Variants in ACSL5 observed in about 807,000 individuals in gnomAD.
ACSL5 encodes the protein acyl-CoA synthetase long chain family member 5.
A neutral mutation model predicts 84.9 loss-of-function variants in ACSL5; 50 were observed. The observed-to-expected ratio is 0.59, with a 90% confidence interval of 0.47 to 0.75. ACSL5 has a LOEUF of 0.75. ACSL5 is among the 30% of genes least tolerant of loss of function. The probability of loss-of-function intolerance (pLI) is 0.00; values close to 1 mark genes in which losing one functional copy is unlikely to be tolerated. For missense variants in ACSL5, 775 were observed against 830.4 expected (o/e 0.93, Z 0.82); for synonymous variants, 280 against 300.7 (o/e 0.93, Z 0.71).
At chr10:112,421,782 AT>A (rs1202926325) in intron 15 of ACSL5, 117 bp downstream of exon 15, 1 of 1,357,792 alleles carries the variant, frequency 7.4e-7, no homozygotes, top group Non-Finnish European at 1.0e-6. Context: ...CAAATGCAAA[AT>A]TCAAGTTTTG....
intron 1 of ACSL5, among the ~76,000 whole-genome samples, chr10:112,378,497 T>A (rs2133556792): frequency 6.6e-6 from 1 of 152,218 alleles, no homozygotes; most frequent in African/African-American, 2.4e-5. Context: ...TCTGCCTGCC[T>A]AGGCCTCCCA....
chr10:112,401,072 C>A (rs544862783), intron 3 of ACSL5, among the ~76,000 whole-genome samples: 6 of 152,108 alleles, frequency 3.9e-5, no homozygotes, highest in Admixed American at 2.0e-4. Flanking sequence ...AAAATGATAG[C>A]CAGGCATGGT....
intron 5 of ACSL5, among the ~76,000 whole-genome samples, chr10:112,407,054 A>G (rs1173873708): frequency 6.6e-6 from 1 of 152,096 alleles, no homozygotes; most frequent in Non-Finnish European, 1.5e-5. Flanking sequence ...AAGAAGCAAA[A>G]AGTGGAAACC....
At position 112,413,217 on chromosome 10, in the gene ACSL5, G is replaced by T; in HGVS notation, c.993G>T (p.Gly331=). Residue 331 remains glycine (G), a synonymous_variant, in exon 12 of 21, where the codon GGG becomes GGT. Coordinates refer to ENST00000354655, the MANE Select transcript of ACSL5 (RefSeq NM_203379.2). ...GAGCCAGAGTTGGATTCTTCCAAGGGGATATTCGGTTGCTGGCTGACGACA... is the reference window on the plus strand; with the variant it reads ...GAGCCAGAGTTGGATTCTTCCAAGGTGATATTCGGTTGCTGGCTGACGACA... ...SCGARVGFFQ[G]DIRLLADDMK... 1 of 1,614,176 alleles carries T rather than the reference G, an allele frequency of 6.2e-7. No individual in the cohort carries two copies. Among genetic ancestry groups the T allele is most frequent in the African/African-American group, 1.3e-5 (1 of 75,044 alleles).
At chr10:112,390,870 T>G (rs988645519) in intron 1 of ACSL5, among the ~76,000 whole-genome samples, 2 of 152,184 alleles carry the variant, frequency 1.3e-5, no homozygotes, top group Non-Finnish European at 2.9e-5. Flanking sequence ...GATAAATCCA[T>G]AGCAACAGAA....
chr10:112,412,148 C>T, intron 11 of ACSL5, 169 bp downstream of exon 11: 1 of 649,120 alleles, frequency 1.5e-6, no homozygotes, highest in Non-Finnish European at 2.7e-6. Context: ...CCCTCATTTC[C>T]TGCAGAGTCT....
intron 1 of ACSL5, among the ~76,000 whole-genome samples, chr10:112,390,359 A>G (rs1045575240): frequency 3.9e-5 from 6 of 152,228 alleles, no homozygotes; most frequent in Non-Finnish European, 7.3e-5. Context: ...TAGAATGGCT[A>G]TTTAAACAGA....
intron 1 of ACSL5, among the ~76,000 whole-genome samples, chr10:112,384,932 G>A (rs999416066): frequency 6.6e-6 from 1 of 152,066 alleles, no homozygotes; most frequent in Non-Finnish European, 1.5e-5. Flanking sequence ...TTTCTCCCTG[G>A]CAGTACATCA....
rs1405078917 is a variant in ACSL5, at chr10:112,428,110, G to A, written c.*752G>A. On this transcript the variant is annotated 3_prime_UTR_variant, in exon 21 of 21. Transcript: ENST00000354655. ...AATCTGTTCCCTACAGTTTGCTGCT[G>A]AGCTGGAAGCTGTGGGGGAAGGAGT... 3.8e-6 allele frequency: 1 copy of A among 262,938 alleles called. No homozygotes were observed. The highest frequency in any genetic ancestry group is 7.1e-6 in the Non-Finnish European group (1 of 140,362). The allele number at this position is 262,938 out of a possible 1,614,324, so 16.3% of individuals were successfully genotyped here.
At chr10:112,383,091 A>T (rs1849382577) in intron 1 of ACSL5, among the ~76,000 whole-genome samples, 1 of 152,172 alleles carries the variant, frequency 6.6e-6, no homozygotes, top group Admixed American at 6.6e-5. Flanking sequence ...CAACTTAGGG[A>T]GACCCCATCT....
chr10:112,397,065 G>T (rs1843762600), intron 2 of ACSL5, among the ~76,000 whole-genome samples: 1 of 152,030 alleles, frequency 6.6e-6, no homozygotes. Context: ...TTGGACCACT[G>T]GACCACACCC....
chr10:112,419,102 CTG>C (rs57261585), intron 14 of ACSL5, among the ~76,000 whole-genome samples: 62,434 of 146,354 alleles, frequency 0.43, 12,924 homozygotes, highest in African/African-American at 0.49. Flanking sequence ...CACAATGTAT[CTG>C]TGTGTGTGTG....
intron 1 of ACSL5, among the ~76,000 whole-genome samples, chr10:112,387,347 C>A (rs1320040755): frequency 6.6e-6 from 1 of 152,226 alleles, no homozygotes; most frequent in Non-Finnish European, 1.5e-5. Context: ...AGAACACACA[C>A]CTGGTTCACG....
chr10:112,376,400 G>A, intron 1 of ACSL5: 1 of 1,614,092 alleles, frequency 6.2e-7, no homozygotes, highest in Non-Finnish European at 8.5e-7. Context: ...CTCAGAGCCG[G>A]GAAGCCCCCA....
chr10:112,396,961 G>A (rs1007694503), intron 2 of ACSL5, among the ~76,000 whole-genome samples: 6 of 152,104 alleles, frequency 3.9e-5, no homozygotes, highest in African/African-American at 1.2e-4. Flanking sequence ...GTGTTTTCCT[G>A]TACTTTTATA....
At position 112,400,219 on chromosome 10, in the gene ACSL5, CT is replaced by C. The variant is rs1015775715; in HGVS notation, c.265+1218del. ...GTATAATTTCCTTTGGGGTTTTTTCCTTTTTTTTCAGAGACGGGATCTTGCT... is the reference window on the plus strand; with the variant it reads ...GTATAATTTCCTTTGGGGTTTTTTCCTTTTTTTCAGAGACGGGATCTTGCT... On this transcript the variant is annotated intron_variant, in intron 3 of 20. Coordinates refer to ENST00000354655, the MANE Select transcript of ACSL5 (RefSeq NM_203379.2). Among the ~76,000 whole-genome samples the C allele has an allele frequency of 1.5e-4, 23 of 151,246 alleles. No individual in the cohort carries two copies. The Middle Eastern group carries it at 0.014, about 89-fold the overall frequency.
In ACSL5 at chr10:112,422,960, G is replaced by A. The variant is rs530572525; in HGVS notation, c.1593+519G>A. Among the ~76,000 whole-genome samples, 31 of 149,706 alleles carry A rather than the reference G, an allele frequency of 2.1e-4. No individual in the cohort carries two copies. The South Asian group carries it at 5.9e-3, about 29-fold the overall frequency. On this transcript the variant is annotated intron_variant, in intron 17 of 20. Transcript: ENST00000354655. ...TCCCAGCACTTTGGGAGGCCGAGGC[G>A]GGCGGATCACAAGGTCAGGAGATCG...
intron 1 of ACSL5, among the ~76,000 whole-genome samples, chr10:112,377,412 C>T (rs763175482): frequency 7.2e-5 from 11 of 152,212 alleles, no homozygotes; most frequent in Admixed American, 2.0e-4. Context: ...TGGTGGCGTA[C>T]GCCTGTAATC....
chr10:112,393,182 T>C (rs551771369), intron 1 of ACSL5, among the ~76,000 whole-genome samples: 4 of 152,208 alleles, frequency 2.6e-5, no homozygotes, highest in Non-Finnish European at 5.9e-5. Context: ...ATCCCAACTC[T>C]CAGAATCCTG....
Sources: gnomAD v4.1 joint callset for allele counts (sites outside exome capture counted in the v4.1 genomes callset) on GRCh38, gnomAD v4.1.1 for gene constraint, MANE v1.5 for transcripts, NCBI Gene and HGNC (gene_info 2026-07-23, HGNC 2026-07-21) for gene names.